Variants in PUS10 observed in about 807,000 individuals in gnomAD.
The protein encoded by PUS10 is tRNA pseudouridine synthase Pus10.
Under a neutral mutation model 75.0 loss-of-function variants are expected in PUS10, and 59 were observed. The observed-to-expected ratio is 0.79, with a 90% CI of 0.64 to 0.98. The LOEUF (loss-of-function observed/expected upper bound fraction) is 0.98, where lower values mean the gene tolerates loss of function less well. Ranked by LOEUF, PUS10 falls within the 50% of genes least tolerant of loss-of-function variation. PUS10 has a pLI of 0.00. For missense variants in PUS10, 650 were observed against 614.4 expected (o/e 1.06, Z -0.61); for synonymous variants, 219 against 211.6 (o/e 1.03, Z -0.30).
intron 4 of PUS10, among the ~76,000 whole-genome samples, chr2:60,992,804 A>C (rs1240982102): frequency 2.6e-5 from 4 of 152,162 alleles, no homozygotes; most frequent in Admixed American, 2.6e-4. Context: ...TGGCAATAAC[A>C]TTTTAACAAC....
chr2:60,971,608 A>C, intron 4 of PUS10, 51 bp from the exon 5 acceptor site: 1 of 1,527,814 alleles, frequency 6.5e-7, no homozygotes, highest in Non-Finnish European at 9.1e-7. Context: ...AAACATGTTC[A>C]GTGAAATTAA....
At chr2:61,017,911 G>GGCGGTTGTA in intron 1 of PUS10, 97 bp downstream of exon 1, 1 of 1,503,070 alleles carries the variant, frequency 6.7e-7, no homozygotes, top group Admixed American at 2.0e-5. Context: ...CTTGGCAGGA[G>GGCGGTTGTA]GCGGTTGTAG....
At chr2:61,010,638 C>T in intron 2 of PUS10, 1 of 890,062 alleles carries the variant, frequency 1.1e-6, no homozygotes, top group Non-Finnish European at 1.6e-6. Context: ...TTCTGGTTTT[C>T]AAAGTGTTTC....
Position 61,011,767 on chromosome 2 carries a change from T to C in PUS10, c.124A>G (p.Lys42Glu), listed in dbSNP as rs758663032. The stretch of plus-strand genomic sequence containing the variant: ...AAAAAAAAAAGAAAAGAAAATACCT[T>C]GTATGGAAGTTTGTAAGGTGCATGA... ...DFHAPYKLPY[K>E]ELLNELQKFL... The change falls in exon 2 of 18, where the codon AAG (lysine) becomes GAG (glutamate). Residue 42 changes from lysine (K) to glutamate (E), a missense_variant and splice_region_variant. Physicochemically the swap from Lys to Glu is moderately conservative, Grantham distance 56 (BLOSUM62 1). Transcript: ENST00000316752. 10 of 1,552,490 alleles carry C rather than the reference T, an allele frequency of 6.4e-6. No individual in the cohort carries two copies. Among genetic ancestry groups the C allele is most frequent in the East Asian group, 4.7e-5 (2 of 42,572 alleles).
intron 17 of PUS10, among the ~76,000 whole-genome samples, chr2:60,944,722 G>T (rs1161410218): frequency 6.6e-6 from 1 of 151,998 alleles, no homozygotes; most frequent in African/African-American, 2.4e-5. Flanking sequence ...AACGCAACAG[G>T]TATGGAAATG....
intron 11 of PUS10, among the ~76,000 whole-genome samples, chr2:60,957,668 G>GA (rs1675765107): frequency 6.6e-6 from 1 of 152,268 alleles, no homozygotes; most frequent in Non-Finnish European, 1.5e-5. Context: ...TGCCCTGGTA[G>GA]ACATAAGTAG....
Position 61,006,537 on chromosome 2 carries a change from A to T in PUS10, c.468+20T>A. Reference sequence around the variant, plus strand: ...TAGCATGCACTTCACATACAGTTTTATGCATGCAAATGACCTTACCTCTCT... The same window carrying T: ...TAGCATGCACTTCACATACAGTTTTTTGCATGCAAATGACCTTACCTCTCT... On this transcript the variant is annotated intron_variant, in intron 4 of 17. Coordinates refer to ENST00000316752, the MANE Select transcript of PUS10 (RefSeq NM_144709.4). 1 of 1,521,734 alleles carries T rather than the reference A, an allele frequency of 6.6e-7. No homozygotes were observed. The highest frequency in any genetic ancestry group is 1.1e-5 in the South Asian group (1 of 87,748). 94.3% of individuals were successfully genotyped at this position (1,521,734 alleles called of 1,614,324 possible).
intron 4 of PUS10, chr2:60,998,602 A>C (rs925913839): frequency 2.0e-5 from 3 of 152,384 alleles, no homozygotes; most frequent in African/African-American, 4.8e-5. Context: ...AAGCGGGAGA[A>C]TCGCTTGAAC....
At chr2:60,944,897 C>T in intron 17 of PUS10, 112 bp downstream of exon 17, 4 of 731,128 alleles carry the variant, frequency 5.5e-6, no homozygotes, top group Non-Finnish European at 9.6e-6. Context: ...GAGATTTTCA[C>T]CATTCTCAAA....
chr2:60,944,968 A>G, intron 17 of PUS10, 41 bp downstream of exon 17: 1 of 1,459,784 alleles, frequency 6.9e-7, no homozygotes, highest in Non-Finnish European at 9.6e-7. Flanking sequence ...CTTTGGTTGA[A>G]TTCAATTTGC....
intron 4 of PUS10, among the ~76,000 whole-genome samples, chr2:60,980,583 C>T (rs1677322158): frequency 6.6e-6 from 1 of 152,178 alleles, no homozygotes; most frequent in Admixed American, 6.5e-5. Context: ...ATAACTAAAT[C>T]ACTTATAGAA....
At chr2:61,008,696 A>G in intron 3 of PUS10, 65 bp downstream of exon 3, 6 of 1,280,082 alleles carry the variant, frequency 4.7e-6, no homozygotes, top group Non-Finnish European at 6.4e-6. Context: ...AGAAAAAAGA[A>G]TTCTTGGTTT....
chr2:60,976,098 C>T (rs1677019868), intron 4 of PUS10, among the ~76,000 whole-genome samples: 1 of 152,094 alleles, frequency 6.6e-6, no homozygotes, highest in African/African-American at 2.4e-5. Context: ...AACACATGTC[C>T]TTATATATAC....
intron 1 of PUS10, among the ~76,000 whole-genome samples, chr2:61,014,669 T>C (rs1679850663): frequency 6.6e-6 from 1 of 152,232 alleles, no homozygotes; most frequent in South Asian, 2.1e-4. Flanking sequence ...AAATAATCAT[T>C]GCATGGCAAT....
At chr2:60,975,635 C>T (rs1273618980) in intron 4 of PUS10, among the ~76,000 whole-genome samples, 2 of 141,616 alleles carry the variant, frequency 1.4e-5, no homozygotes, top group Non-Finnish European at 3.0e-5. Context: ...TTATAATAGA[C>T]GACTGAGACC....
intron 4 of PUS10, among the ~76,000 whole-genome samples, chr2:60,994,237 T>C (rs1667748491): frequency 6.6e-6 from 1 of 151,950 alleles, no homozygotes; most frequent in South Asian, 2.1e-4. Context: ...AGGTAGCACT[T>C]GCCACCTAGC....
intron 4 of PUS10, among the ~76,000 whole-genome samples, chr2:60,979,852 G>T (rs529942075): frequency 1.3e-5 from 2 of 152,322 alleles, no homozygotes; most frequent in African/African-American, 4.8e-5. Context: ...GAAAAGCAAG[G>T]ACAGATCAGC....
In PUS10 at chr2:60,942,428, T is replaced by C; in HGVS notation, c.1557A>G (p.Val519=). 1 of 1,612,378 alleles carries C rather than the reference T, an allele frequency of 6.2e-7. No individual in the cohort carries two copies. ...ADILELDVES[V]DVDWPPALDD Reference sequence around the variant, plus strand: ...CCAGAGCAGGTGGCCAGTCAACATCTACAGACTAGAAGGGAGAAAAGAAGT... The same window carrying C: ...CCAGAGCAGGTGGCCAGTCAACATCCACAGACTAGAAGGGAGAAAAGAAGT... Residue 519 remains valine, a synonymous_variant, in exon 18 of 18, where the codon GTA becomes GTG. Coordinates refer to ENST00000316752, the MANE Select transcript of PUS10 (RefSeq NM_144709.4).
chr2:61,003,502 C>T (rs1280133144), intron 4 of PUS10, among the ~76,000 whole-genome samples: 7 of 151,014 alleles, frequency 4.6e-5, no homozygotes, highest in East Asian at 1.9e-4. Flanking sequence ...GAAAGGGATT[C>T]GTAGAACCAA....
Sources: gnomAD v4.1 joint callset for allele counts (sites outside exome capture counted in the v4.1 genomes callset) on GRCh38, gnomAD v4.1.1 for gene constraint, MANE v1.5 for transcripts, NCBI Gene and HGNC (gene_info 2026-07-23, HGNC 2026-07-21) for gene names.